The following MDN1 variants were observed in gnomAD, a reference collection of about 807,000 sequenced individuals.
MDN1 encodes the protein midasin AAA ATPase 1.
MDN1 carries 266 observed loss-of-function variants against 669.2 expected under a neutral mutation model. The ratio of observed to expected loss-of-function variants is 0.40; its 90% CI spans 0.36 to 0.44. The LOEUF is 0.44. MDN1 is among the 20% of genes least tolerant of loss of function. The pLI is 1.00. For synonymous variants in MDN1, 2,385 were observed against 2,457.1 expected, an observed-to-expected ratio of 0.97 and a Z score of 0.87; for missense variants, 5,940 against 6,754.0, an observed-to-expected ratio of 0.88 and a Z score of 4.22.
chr6:89,739,677 T>A (rs1816182262), intron 32 of MDN1, among the ~76,000 whole-genome samples: 1 of 152,178 alleles, frequency 6.6e-6, no homozygotes, highest in African/African-American at 2.4e-5. Context: ...CCCAAATATA[T>A]CTGAACACAA....
At chr6:89,788,207 G>A (rs1819069050) in intron 7 of MDN1, among the ~76,000 whole-genome samples, 2 of 152,090 alleles carry the variant, frequency 1.3e-5, no homozygotes, top group Admixed American at 6.6e-5. Flanking sequence ...ATACAGACAG[G>A]ACCAAGGCTT....
chr6:89,693,213 C>A, intron 62 of MDN1, 65 bp from the exon 63 acceptor site: 1 of 1,191,716 alleles, frequency 8.4e-7, no homozygotes, highest in Non-Finnish European at 1.2e-6. Flanking sequence ...TAGATTGGAT[C>A]CTCAGCTAGG....
rs537274038 is a variant in MDN1, at chr6:89,686,993, C to G, written c.11481G>C (p.Met3827Ile). 4.4e-6 allele frequency: 7 copies of G among 1,596,374 alleles called. No individual in the cohort carries two copies. In the African/African-American group the frequency reaches 6.9e-5, roughly 16 times the overall value. The change falls in exon 69 of 102, where the codon ATG (methionine) becomes ATC (isoleucine). Residue 3827 changes from methionine to isoleucine, a missense_variant. Around this residue, in one of 5 missense-constraint regions of MDN1, gnomAD observed 2,280 missense variants for 2,576.3 expected, o/e 0.88. Transcript: ENST00000369393. Reference sequence around the variant, plus strand: ...TGGTGGATTTCTCGGTGTGGCGCTTCATAGTATTATCCAAACTCATGGACC... The same window carrying G: ...TGGTGGATTTCTCGGTGTGGCGCTTGATAGTATTATCCAAACTCATGGACC... Reference protein sequence around the residue: ...NCWSMSLDNTMKRHTEKSTKH... With the variant: ...NCWSMSLDNTIKRHTEKSTKH...
At chr6:89,690,223 G>A in intron 64 of MDN1, 80 bp from the exon 65 acceptor site, 1 of 1,429,950 alleles carries the variant, frequency 7.0e-7, no homozygotes, top group Non-Finnish European at 9.5e-7. Flanking sequence ...AAAGAAAAAA[G>A]CATAAGAATG....
intron 67 of MDN1, 69 bp from the exon 68 acceptor site, chr6:89,687,507 C>G: frequency 1.4e-6 from 2 of 1,387,494 alleles, no homozygotes; most frequent in Non-Finnish European, 2.0e-6. Flanking sequence ...TCCTCAAGAA[C>G]ATCTTGAACT....
intron 9 of MDN1, among the ~76,000 whole-genome samples, chr6:89,782,131 C>T (rs899970317): frequency 6.6e-6 from 1 of 152,198 alleles, no homozygotes; most frequent in African/African-American, 2.4e-5. Flanking sequence ...TACCAGCAAT[C>T]TCACCATCTA....
In MDN1 at chr6:89,739,140, C is replaced by G. The variant is rs1268507544; in HGVS notation, c.4594-685G>C. Among the ~76,000 whole-genome samples, 4 of 152,158 alleles carry G rather than the reference C, an allele frequency of 2.6e-5. No homozygotes were observed. In the South Asian group the frequency reaches 8.3e-4, roughly 32 times the overall value. On this transcript the variant is annotated intron_variant, in intron 32 of 101. Coordinates refer to ENST00000369393, the MANE Select transcript of MDN1 (RefSeq NM_014611.3). ...CACAGAGGCCCAGGAATAAAGCATA[C>G]GTGTGTGTACCTCATCAGTATCATA...
chr6:89,754,695 T>C (rs191653784), intron 20 of MDN1, among the ~76,000 whole-genome samples: 2 of 150,786 alleles, frequency 1.3e-5, no homozygotes, highest in East Asian at 3.9e-4. Context: ...CCATTACTAT[T>C]GTCACTACCA....
chr6:89,675,448 A>G lies in MDN1; in HGVS notation c.12761+16T>C, dbSNP rs753358042. Reference sequence around the variant, plus strand: ...CTTCCCAATTCATGCCACAAGCCCAACTCATCAGCTGATACCTGAGGATGA... The same window carrying G: ...CTTCCCAATTCATGCCACAAGCCCAGCTCATCAGCTGATACCTGAGGATGA... On this transcript the variant is annotated intron_variant, in intron 78 of 101. Coordinates refer to ENST00000369393, the MANE Select transcript of MDN1 (RefSeq NM_014611.3). 4 of 1,605,444 alleles carry G rather than the reference A, an allele frequency of 2.5e-6. No homozygotes were observed. Among genetic ancestry groups the G allele is most frequent in the Admixed American group, 3.3e-5 (2 of 59,798 alleles).
At chr6:89,722,885 T>C (rs79022120) in intron 40 of MDN1, 70 bp downstream of exon 40, 23,499 of 1,362,420 alleles carry the variant, frequency 0.017, 286 homozygotes, top group Non-Finnish European at 0.021. Flanking sequence ...AATTAGTGTA[T>C]GTCCTTTCTC....
chr6:89,816,233 C>G (rs1222651701), intron 1 of MDN1, among the ~76,000 whole-genome samples: 1 of 151,998 alleles, frequency 6.6e-6, no homozygotes, highest in Non-Finnish European at 1.5e-5. Context: ...AACCCCGTCT[C>G]TACTAAAAAT....
At chr6:89,673,012 G>A (rs1810930007) in intron 80 of MDN1, among the ~76,000 whole-genome samples, 1 of 152,220 alleles carries the variant, frequency 6.6e-6, no homozygotes, top group Non-Finnish European at 1.5e-5. Flanking sequence ...ACAGTGAGCT[G>A]ATGCTGCCTT....
intron 15 of MDN1, among the ~76,000 whole-genome samples, chr6:89,771,340 C>T (rs1056819441): frequency 1.3e-5 from 2 of 152,086 alleles, no homozygotes; most frequent in African/African-American, 4.8e-5. Flanking sequence ...CACTTTAGCC[C>T]CTTAAAATTA....
chr6:89,778,963 G>A (rs1584357761), intron 11 of MDN1, among the ~76,000 whole-genome samples: 1 of 148,702 alleles, frequency 6.7e-6, no homozygotes, highest in Non-Finnish European at 1.5e-5. Context: ...GTGTCAGTAT[G>A]TACTAAAATA....
rs375215574 is a variant in MDN1, at chr6:89,643,960, C to A, written c.*45G>T. The A allele has an allele frequency of 8.9e-5, 131 of 1,471,562 alleles. No individual in the cohort carries two copies. The highest frequency in any genetic ancestry group is 1.0e-4 in the Non-Finnish European group (112 of 1,099,924). The allele number at this position is 1,471,562 out of a possible 1,614,324, so 91.2% of individuals were successfully genotyped here. On this transcript the variant is annotated 3_prime_UTR_variant, in exon 102 of 102. Transcript: ENST00000369393. The stretch of plus-strand genomic sequence containing the variant: ...GGGAGCACCTGGGTAAGCAATGTGA[C>A]CTTCTGACCACAGTTAAGTCTCACT...
intron 89 of MDN1, 91 bp downstream of exon 89, chr6:89,658,519 G>C (rs1809490989): frequency 6.6e-7 from 1 of 1,522,396 alleles, no homozygotes; most frequent in South Asian, 1.3e-5. Context: ...TGTTGATGGA[G>C]GAGTATCCTA....
chr6:89,677,442 A>C (rs1203315184), intron 76 of MDN1, 128 bp downstream of exon 76: 2 of 1,192,248 alleles, frequency 1.7e-6, no homozygotes, highest in African/African-American at 3.1e-5. Flanking sequence ...TGAGCCAGGC[A>C]CTTTTGTAAG....
intron 53 of MDN1, among the ~76,000 whole-genome samples, chr6:89,702,497 G>A (rs1813227535): frequency 6.6e-6 from 1 of 152,174 alleles, no homozygotes; most frequent in South Asian, 2.1e-4. Flanking sequence ...TTCTATTCTG[G>A]TGGATGGTAC....
intron 87 of MDN1, 23 bp from the exon 88 acceptor site, chr6:89,661,601 G>A: frequency 6.3e-7 from 1 of 1,583,188 alleles, no homozygotes; most frequent in East Asian, 2.2e-5. Flanking sequence ...GGAGACAACA[G>A]GGATAAAATA....
Sources: allele counts gnomAD v4.1 joint callset (sites outside exome capture counted in the v4.1 genomes callset), GRCh38; gene constraint gnomAD v4.1.1; regional missense constraint gnomAD v4.1.1; transcripts MANE v1.5; gene names NCBI Gene and HGNC (gene_info 2026-07-23, HGNC 2026-07-21).